The following ARL8B variants were observed in gnomAD, a reference collection of about 807,000 sequenced individuals.
ARL8B encodes ARF like GTPase 8B, also known as ADP-ribosylation factor-like protein 8B.
A neutral mutation model predicts 30.6 loss-of-function variants in ARL8B; 9 were observed. The observed-to-expected ratio is 0.29, with a 90% CI of 0.18 to 0.51. The LOEUF (loss-of-function observed/expected upper bound fraction) is 0.51. Ranked by LOEUF, ARL8B falls within the 20% of genes least tolerant of loss-of-function variation. ARL8B has a pLI of 0.97. For synonymous variants in ARL8B, 74 were observed against 76.0 expected (o/e 0.97, Z 0.14); for missense variants, 130 against 227.2 (o/e 0.57, Z 2.75).
intron 1 of ARL8B, among the ~76,000 whole-genome samples, chr3:5,124,139 G>A (rs77962166): frequency 0.033 from 4,950 of 152,160 alleles, 214 homozygotes; most frequent in East Asian, 0.13. Context: ...AAAATGCTGG[G>A]ATTGCAGGTG....
At chr3:5,174,878 C>T (rs1297981146) in intron 6 of ARL8B, among the ~76,000 whole-genome samples, 1 of 151,528 alleles carries the variant, frequency 6.6e-6, no homozygotes, top group South Asian at 2.1e-4. Context: ...TCTCGACTTA[C>T]TGCAACCTCT....
At chr3:5,161,115 T>G (rs2054576017) in intron 1 of ARL8B, among the ~76,000 whole-genome samples, 1 of 152,236 alleles carries the variant, frequency 6.6e-6, no homozygotes, top group Non-Finnish European at 1.5e-5. Context: ...AGATGGGGTC[T>G]TGCTTTGTTA....
intron 1 of ARL8B, among the ~76,000 whole-genome samples, chr3:5,157,179 G>C (rs2054541045): frequency 6.6e-6 from 1 of 152,172 alleles, no homozygotes; most frequent in African/African-American, 2.4e-5. Context: ...TTCTGGCTAT[G>C]TGCCACACAG....
At chr3:5,156,598 T>G (rs1037474063) in intron 1 of ARL8B, among the ~76,000 whole-genome samples, 1 of 152,124 alleles carries the variant, frequency 6.6e-6, no homozygotes, top group African/African-American at 2.4e-5. Context: ...GTATTTTCAG[T>G]AGAGATGGGG....
Position 5,174,130 on chromosome 3 carries a change from A to G in ARL8B, c.440+46A>G, listed in dbSNP as rs1160577324. ...TTTAATAATTTGCTTCTAAATTACCATATTTTGCCCACTTGTTATGTTATT... is the reference window on the plus strand; with the variant it reads ...TTTAATAATTTGCTTCTAAATTACCGTATTTTGCCCACTTGTTATGTTATT... On this transcript the variant is annotated intron_variant, in intron 5 of 6. Coordinates refer to ENST00000256496, the MANE Select transcript of ARL8B (RefSeq NM_018184.3). 4 of 1,518,992 alleles carry G rather than the reference A, an allele frequency of 2.6e-6. No homozygotes were observed. The African/African-American group carries it at 4.1e-5, about 16-fold the overall frequency. The allele number at this position is 1,518,992 out of a possible 1,614,324, so 94.1% of individuals were successfully genotyped here. A position where few individuals can be genotyped will look rare whatever the true frequency, so the allele number is the denominator to read the frequency against.
At position 5,170,596 on chromosome 3, in the gene ARL8B, T is replaced by A. The variant is rs372939870; in HGVS notation, c.204+13T>A. On this transcript the variant is annotated intron_variant, in intron 2 of 6. Transcript: ENST00000256496. ...CGTCACAATAAAGGTAAGTTATTTC[T>A]TGCCGTACGCAATTTAAATTGTTAG... 7.6e-5 allele frequency: 121 copies of A among 1,591,014 alleles called. No individual in the cohort carries two copies. The highest frequency in any genetic ancestry group is 1.0e-4 in the Non-Finnish European group (120 of 1,160,758).
chr3:5,154,950 G>A (rs770079355), intron 1 of ARL8B, among the ~76,000 whole-genome samples: 1 of 152,162 alleles, frequency 6.6e-6, no homozygotes, highest in Non-Finnish European at 1.5e-5. Flanking sequence ...GGCCAGGCTG[G>A]TCTCGAACTC....
At chr3:5,148,016 G>A (rs11714002) in intron 1 of ARL8B, among the ~76,000 whole-genome samples, 59,602 of 151,150 alleles carry the variant, frequency 0.39, 13,636 homozygotes, top group African/African-American at 0.65. Context: ...TGGGGTCAAC[G>A]TTTGGAGATT....
At chr3:5,171,437 C>T (rs887846926) in intron 2 of ARL8B, among the ~76,000 whole-genome samples, 3 of 150,558 alleles carry the variant, frequency 2.0e-5, no homozygotes, top group Non-Finnish European at 3.0e-5. Context: ...CTGCAACCTC[C>T]GACTCCCAGG....
At chr3:5,157,939 T>G (rs1459001862) in intron 1 of ARL8B, 1 of 152,122 alleles carries the variant, frequency 6.6e-6, no homozygotes, top group Admixed American at 6.5e-5. Flanking sequence ...CAAATCTATC[T>G]GCTACCATTT....
At chr3:5,134,575 G>C (rs1312596371) in intron 1 of ARL8B, among the ~76,000 whole-genome samples, 4 of 152,100 alleles carry the variant, frequency 2.6e-5, no homozygotes, top group African/African-American at 9.7e-5. Context: ...ATTTAAGTTG[G>C]GATTTTTCTT....
At chr3:5,160,502 A>G (rs2054571541) in intron 1 of ARL8B, among the ~76,000 whole-genome samples, 1 of 152,212 alleles carries the variant, frequency 6.6e-6, no homozygotes, top group Non-Finnish European at 1.5e-5. Flanking sequence ...CCTAATTGAA[A>G]TTGTGGTTTG....
intron 1 of ARL8B, among the ~76,000 whole-genome samples, chr3:5,150,824 C>G (rs1039168791): frequency 6.6e-6 from 1 of 152,074 alleles, no homozygotes; most frequent in South Asian, 2.1e-4. Flanking sequence ...TAGAATTCAG[C>G]AGGAAAATAA....
rs931703971 is a variant in ARL8B, at chr3:5,179,201, G to C, written c.*488G>C. On this transcript the variant is annotated 3_prime_UTR_variant, in exon 7 of 7. Coordinates refer to ENST00000256496, the MANE Select transcript of ARL8B (RefSeq NM_018184.3). Reference sequence around the variant, plus strand: ...ACCTTTAGGCGTGAATGACTCATGTGGGATATATGTAAACATAATGTTTAT... The same window carrying C: ...ACCTTTAGGCGTGAATGACTCATGTCGGATATATGTAAACATAATGTTTAT... 6.5e-6 allele frequency: 1 copy of C among 152,840 alleles called. No homozygotes were observed. The highest frequency in any genetic ancestry group is 1.5e-5 in the Non-Finnish European group (1 of 68,226). The allele number at this position is 152,840 out of a possible 1,614,324, so 9.5% of individuals were successfully genotyped here.
chr3:5,142,862 A>G (rs2054386394), intron 1 of ARL8B, among the ~76,000 whole-genome samples: 1 of 152,164 alleles, frequency 6.6e-6, no homozygotes, highest in Non-Finnish European at 1.5e-5. Flanking sequence ...CTGGATTGCT[A>G]ATGGCAATGA....
intron 1 of ARL8B, among the ~76,000 whole-genome samples, chr3:5,143,742 A>G (rs759188388): frequency 5.9e-5 from 9 of 152,240 alleles, no homozygotes; most frequent in Non-Finnish European, 8.8e-5. Flanking sequence ...TGTGAACTCA[A>G]GAGGAAGAGT....
At chr3:5,162,987 CT>C (rs58230539) in intron 1 of ARL8B, among the ~76,000 whole-genome samples, 135 of 125,804 alleles carry the variant, frequency 1.1e-3, no homozygotes, top group African/African-American at 1.9e-3. Context: ...TTAGCTCCCA[CT>C]TTTTTTTTTT....
chr3:5,126,572 G>A (rs2054231759), intron 1 of ARL8B, among the ~76,000 whole-genome samples: 2 of 152,092 alleles, frequency 1.3e-5, no homozygotes, highest in South Asian at 2.1e-4. Context: ...TTATATGTAG[G>A]GTTTGGTTTG....
intron 1 of ARL8B, among the ~76,000 whole-genome samples, chr3:5,145,985 T>G (rs1391348336): frequency 6.6e-6 from 1 of 152,224 alleles, no homozygotes; most frequent in Non-Finnish European, 1.5e-5. Context: ...TCTGATACCT[T>G]GGCTCTCCTC....
Sources: gnomAD v4.1 joint callset for allele counts (sites outside exome capture counted in the v4.1 genomes callset) on GRCh38, gnomAD v4.1.1 for gene constraint, MANE v1.5 for transcripts, NCBI Gene and HGNC (gene_info 2026-07-23, HGNC 2026-07-21) for gene names.